GRIK4: variants seen among roughly 807,000 people sequenced by gnomAD.
GRIK4 encodes glutamate receptor ionotropic, kainate 4.
GRIK4 carries 40 observed loss-of-function variants against 104.9 expected under a neutral mutation model. The ratio of observed to expected loss-of-function variants is 0.38; its 90% CI spans 0.30 to 0.50. The LOEUF (loss-of-function observed/expected upper bound fraction) is 0.50. Ranked by LOEUF, GRIK4 falls within the 20% of genes least tolerant of loss-of-function variation. GRIK4 has a pLI of 0.93. For synonymous variants in GRIK4, 485 were observed against 524.9 expected, an observed-to-expected ratio of 0.92 and a Z score of 1.04; for missense variants, 1,047 against 1,308.1, an observed-to-expected ratio of 0.80 and a Z score of 3.08.
chr11:120,914,590 G>A (rs761825184), intron 13 of GRIK4, among the ~76,000 whole-genome samples: 4 of 152,186 alleles, frequency 2.6e-5, no homozygotes, highest in Non-Finnish European at 5.9e-5. Flanking sequence ...GGTGGACGGT[G>A]AGAAATGTAC....
At chr11:120,800,481 T>C (rs919487554) in intron 3 of GRIK4, among the ~76,000 whole-genome samples, 1 of 152,114 alleles carries the variant, frequency 6.6e-6, no homozygotes, top group Non-Finnish European at 1.5e-5. Context: ...GTGGGGGTGA[T>C]TGAAATGTTC....
At chr11:120,803,311 G>C (rs2135513759) in intron 4 of GRIK4, among the ~76,000 whole-genome samples, 1 of 152,202 alleles carries the variant, frequency 6.6e-6, no homozygotes, top group South Asian at 2.1e-4. Context: ...TCACTCTCTG[G>C]GTAACCTCAG....
chr11:120,881,618 G>A (rs1954970281), intron 11 of GRIK4, among the ~76,000 whole-genome samples: 1 of 152,172 alleles, frequency 6.6e-6, no homozygotes, highest in African/African-American at 2.4e-5. Context: ...AAGAACTCAG[G>A]GATCCAGTGT....
intron 3 of GRIK4, among the ~76,000 whole-genome samples, chr11:120,718,962 G>A (rs1255343139): frequency 6.6e-6 from 1 of 152,236 alleles, no homozygotes; most frequent in African/African-American, 2.4e-5. Flanking sequence ...AAGAAAGAAG[G>A]TGGCCCTCCC....
chr11:120,734,907 C>T (rs1231343204), intron 3 of GRIK4, among the ~76,000 whole-genome samples: 1 of 152,120 alleles, frequency 6.6e-6, no homozygotes, highest in Non-Finnish European at 1.5e-5. Flanking sequence ...TATATAATTC[C>T]TGCTTGATTC....
chr11:120,628,471 T>C (rs1233207481), intron 1 of GRIK4, among the ~76,000 whole-genome samples: 1 of 152,136 alleles, frequency 6.6e-6, no homozygotes, highest in Non-Finnish European at 1.5e-5. Flanking sequence ...CAGACACCCA[T>C]CTGGGTAAAA....
intron 3 of GRIK4, among the ~76,000 whole-genome samples, chr11:120,666,344 C>G (rs1949913864): frequency 6.6e-6 from 1 of 152,184 alleles, no homozygotes; most frequent in South Asian, 2.1e-4. Context: ...CGATAAGCAT[C>G]TGAGGACAGC....
At chr11:120,696,486 G>A (rs1950451010) in intron 3 of GRIK4, among the ~76,000 whole-genome samples, 1 of 136,294 alleles carries the variant, frequency 7.3e-6, no homozygotes, top group South Asian at 2.8e-4. Flanking sequence ...GTCAGTGGGG[G>A]GGCATGTGGT....
At chr11:120,557,657 GTCT>G (rs991485700) in intron 1 of GRIK4, among the ~76,000 whole-genome samples, 1 of 152,168 alleles carries the variant, frequency 6.6e-6, no homozygotes, top group African/African-American at 2.4e-5. Context: ...TCTGGAAGGG[GTCT>G]TCTTTATCCC....
intron 1 of GRIK4, among the ~76,000 whole-genome samples, chr11:120,540,775 A>G (rs993240574): frequency 5.9e-5 from 9 of 152,064 alleles, no homozygotes; most frequent in African/African-American, 2.2e-4. Context: ...GTACAAGGAC[A>G]ATAGCTTGCA....
chr11:120,514,053 A>C (rs1270907459), intron 1 of GRIK4, among the ~76,000 whole-genome samples: 3 of 151,976 alleles, frequency 2.0e-5, no homozygotes, highest in African/African-American at 7.3e-5. Context: ...GCTGCTTCTG[A>C]GGTGGTTCTC....
At chr11:120,538,624 C>T (rs1452030348) in intron 1 of GRIK4, among the ~76,000 whole-genome samples, 3 of 152,224 alleles carry the variant, frequency 2.0e-5, no homozygotes, top group African/African-American at 7.2e-5. Flanking sequence ...GGTCCCTTCT[C>T]TGCCTGAAGT....
intron 3 of GRIK4, among the ~76,000 whole-genome samples, chr11:120,677,564 T>A (rs1450349670): frequency 6.6e-6 from 1 of 152,182 alleles, no homozygotes; most frequent in Non-Finnish European, 1.5e-5. Flanking sequence ...CTATGGAAAA[T>A]ACAAAGAAAT....
chr11:120,568,155 G>T (rs557913061), intron 1 of GRIK4, among the ~76,000 whole-genome samples: 2 of 152,254 alleles, frequency 1.3e-5, no homozygotes, highest in South Asian at 4.1e-4. Context: ...TCCAGCCTGG[G>T]TGACAGAACA....
intron 3 of GRIK4, among the ~76,000 whole-genome samples, chr11:120,707,599 T>C (rs1428704680): frequency 6.6e-6 from 1 of 152,224 alleles, no homozygotes; most frequent in African/African-American, 2.4e-5. Flanking sequence ...AAATATAATT[T>C]AACACAGCAA....
intron 1 of GRIK4, among the ~76,000 whole-genome samples, chr11:120,574,163 C>T (rs564096378): frequency 1.3e-5 from 2 of 152,290 alleles, no homozygotes; most frequent in African/African-American, 2.4e-5. Context: ...GTGCCAGGTG[C>T]GTGGTGGGGC....
At chr11:120,763,648 T>A (rs1282741886) in intron 3 of GRIK4, among the ~76,000 whole-genome samples, 1 of 152,142 alleles carries the variant, frequency 6.6e-6, no homozygotes, top group Non-Finnish European at 1.5e-5. Flanking sequence ...GTTGTGTCTT[T>A]GTTCTCATTG....
chr11:120,534,394 G>A (rs961817055), intron 1 of GRIK4, among the ~76,000 whole-genome samples: 1 of 152,144 alleles, frequency 6.6e-6, no homozygotes, highest in Admixed American at 6.5e-5. Context: ...CAAGTGGTGG[G>A]GCTGGGGATT....
intron 1 of GRIK4, among the ~76,000 whole-genome samples, chr11:120,536,648 G>T (rs374163159): frequency 1.3e-5 from 2 of 152,124 alleles, no homozygotes; most frequent in African/African-American, 4.8e-5. Flanking sequence ...TCTGGTTGAC[G>T]TATGTATTGA....
Sources: gnomAD v4.1 joint callset for allele counts (sites outside exome capture counted in the v4.1 genomes callset) on GRCh38, gnomAD v4.1.1 for gene constraint, MANE v1.5 for transcripts, NCBI Gene and HGNC (gene_info 2026-07-23, HGNC 2026-07-21) for gene names.